The following MMGT1 variants were observed in gnomAD, a reference collection of about 807,000 sequenced individuals.
MMGT1 encodes the protein membrane magnesium transporter 1.
A neutral mutation model predicts 11.7 loss-of-function variants in MMGT1; 2 were observed. That is an observed-to-expected ratio of 0.17 (90% CI 0.07 to 0.54). The LOEUF (loss-of-function observed/expected upper bound fraction) is 0.54, where lower values mean the gene tolerates loss of function less well. Ranked by LOEUF, MMGT1 falls within the 20% of genes least tolerant of loss-of-function variation. MMGT1 has a pLI of 0.94. For missense variants in MMGT1, 74 were observed against 109.0 expected, an observed-to-expected ratio of 0.68 and a Z score of 1.43; for synonymous variants, 49 against 44.4, an observed-to-expected ratio of 1.10 and a Z score of -0.41.
At chrX:135,971,133 TA>T in intron 1 of MMGT1, 23 bp from the exon 2 acceptor site, 1 of 1,082,340 alleles carries the variant, frequency 9.2e-7, no homozygotes, top group Non-Finnish European at 1.3e-6. Context: ...AGCATACCAT[TA>T]AGGAAACTGT....
In MMGT1 at chrX:135,965,069, A is replaced by AG. The variant is rs1309724594; in HGVS notation, c.350dup (p.Asn118Ter). The AG allele has an allele frequency of 4.1e-6, 5 of 1,208,170 alleles. No individual in the cohort carries two copies. The highest frequency in any genetic ancestry group is 5.6e-6 in the Non-Finnish European group (5 of 893,668). On this transcript the variant is annotated frameshift_variant, in exon 4 of 4. Coordinates refer to ENST00000305963, the MANE Select transcript of MMGT1 (RefSeq NM_173470.3). LOFTEE classifies it high-confidence loss of function. ...GTTTTCGTAACTTCAATGATGTGTT[A>AG]GAGGACAATGCATCTTGGTTTGAAG...
chrX:135,969,018 A>G (rs1479796991), intron 2 of MMGT1, among the ~76,000 whole-genome samples: 1 of 111,853 alleles, frequency 8.9e-6, no homozygotes, highest in African/African-American at 3.2e-5. Context: ...TGATTGAGTA[A>G]TATCAACTGC....
At chrX:135,972,182 G>A (rs188807224) in intron 1 of MMGT1, among the ~76,000 whole-genome samples, 2 of 112,062 alleles carry the variant, frequency 1.8e-5, no homozygotes, top group East Asian at 5.6e-4. Flanking sequence ...CCTAACATGA[G>A]CATTATATAT....
Position 135,963,425 on chromosome X carries a change from C to T in MMGT1, c.*1599G>A, listed in dbSNP as rs2089167180. Reference sequence around the variant, plus strand: ...CAGTAGCCAAGTCTGATGGAAGGAGCTTGTTTCTTGCATGCTATTTTATCA... The same window carrying T: ...CAGTAGCCAAGTCTGATGGAAGGAGTTTGTTTCTTGCATGCTATTTTATCA... On this transcript the variant is annotated 3_prime_UTR_variant, in exon 4 of 4. Coordinates refer to ENST00000305963, the MANE Select transcript of MMGT1 (RefSeq NM_173470.3). 8.9e-6 allele frequency: 1 copy of T among 111,921 alleles called. No individual in the cohort carries two copies. Among genetic ancestry groups the T allele is most frequent in the African/African-American group, 3.2e-5 (1 of 30,807 alleles). 9.2% of individuals were successfully genotyped at this position (111,921 alleles called of 1,213,427 possible).
At chrX:135,967,906 G>C (rs956314083) in intron 2 of MMGT1, among the ~76,000 whole-genome samples, 1 of 110,811 alleles carries the variant, frequency 9.0e-6, no homozygotes, top group African/African-American at 3.3e-5. Context: ...TATCCAGGCT[G>C]GAGTGCAATG....
In MMGT1 at chrX:135,961,798, A is replaced by T. The variant is rs980828807; in HGVS notation, c.*3226T>A. 1.8e-5 allele frequency among the ~76,000 whole-genome samples: 2 copies of T among 111,684 alleles called. No individual in the cohort carries two copies. The highest frequency in any genetic ancestry group is 3.8e-5 in the Non-Finnish European group (2 of 53,153). On this transcript the variant is annotated 3_prime_UTR_variant, in exon 4 of 4. Transcript: ENST00000305963. ...CAAATTTGTGATGGAATCATTAGAC[A>T]CTGCTGCTCAAGAACCCATTTTTAC... is the stretch of plus-strand genomic sequence containing the variant.
At position 135,965,035 on chromosome X, in the gene MMGT1, G is replaced by A; in HGVS notation, c.385C>T (p.Leu129=). The A allele has an allele frequency of 3.3e-6, 4 of 1,207,857 alleles. No individual in the cohort carries two copies. The highest frequency in any genetic ancestry group is 3.4e-6 in the Non-Finnish European group (3 of 892,764). Residue 129 remains leucine (L), a synonymous_variant, in exon 4 of 4, where the codon CTG becomes TTG. Transcript: ENST00000305963. ...AATTTGTAAAAATCTTAACGACGCA[G>A]TGATTCGAGTTTTCGTAACTTCAAT... ...TSLKLRKLES[L]RR
At chrX:135,973,195 T>C (rs1363052016) in intron 1 of MMGT1, among the ~76,000 whole-genome samples, 1 of 111,914 alleles carries the variant, frequency 8.9e-6, no homozygotes, top group Non-Finnish European at 1.9e-5. Context: ...GTCACTTAAC[T>C]ACTCAGTCTC....
chrX:135,961,244 G>A lies in MMGT1; in HGVS notation c.*3780C>T, dbSNP rs1556611346. 9.0e-6 allele frequency among the ~76,000 whole-genome samples: 1 copy of A among 111,141 alleles called. No individual in the cohort carries two copies. On this transcript the variant is annotated 3_prime_UTR_variant, in exon 4 of 4. Transcript: ENST00000305963. ...TCAAACATTAGAATACCACACAGCC[G>A]CTAAAAATAATGAGGTATTTTTATA... is the stretch of plus-strand genomic sequence containing the variant.
In MMGT1 at chrX:135,962,265, T is replaced by A. The variant is rs1033738482; in HGVS notation, c.*2759A>T. The A allele has an allele frequency of 9.0e-6, 1 of 111,717 alleles. No individual in the cohort carries two copies. The highest frequency in any genetic ancestry group is 2.8e-4 in the East Asian group (1 of 3,579). The allele number at this position is 111,717 out of a possible 1,213,427, so 9.2% of individuals were successfully genotyped here. A position where few individuals can be genotyped will look rare whatever the true frequency, so the allele number is the denominator to read the frequency against. ...TCAAGCCACTGAGAAGCCACAATGCTTAGAAAACAATCATTAGGGAGTTAC... is the reference window on the plus strand; with the variant it reads ...TCAAGCCACTGAGAAGCCACAATGCATAGAAAACAATCATTAGGGAGTTAC... On this transcript the variant is annotated 3_prime_UTR_variant, in exon 4 of 4. Transcript: ENST00000305963.
At chrX:135,968,002 GCCA>G (rs2089196030) in intron 2 of MMGT1, among the ~76,000 whole-genome samples, 2 of 111,010 alleles carry the variant, frequency 1.8e-5, no homozygotes. Context: ...ACAGGCATGC[GCCA>G]CCACGCCAGG....
chrX:135,965,887 A>G (rs2089182464), intron 3 of MMGT1, among the ~76,000 whole-genome samples: 1 of 112,464 alleles, frequency 8.9e-6, no homozygotes. Flanking sequence ...TATTCAAGCC[A>G]TATGATCGTT....
At chrX:135,971,910 T>C (rs1556612630) in intron 1 of MMGT1, among the ~76,000 whole-genome samples, 2 of 112,451 alleles carry the variant, frequency 1.8e-5, no homozygotes, top group Non-Finnish European at 3.8e-5. Context: ...ATAATACATA[T>C]CTCAAGTTCA....
rs2089155134 is a variant in MMGT1, at chrX:135,961,534, T to G, written c.*3490A>C. Among the ~76,000 whole-genome samples the G allele has an allele frequency of 9.0e-6, 1 of 111,407 alleles. No individual in the cohort carries two copies. Among genetic ancestry groups the G allele is most frequent in the Non-Finnish European group, 1.9e-5 (1 of 53,069 alleles). ...CGCCATGTGCATACATCATCTTTCT[T>G]GCCCCCACTCCCCTTTCTAAGAACA... On this transcript the variant is annotated 3_prime_UTR_variant, in exon 4 of 4. Coordinates refer to ENST00000305963, the MANE Select transcript of MMGT1 (RefSeq NM_173470.3).
Position 135,962,361 on chromosome X carries a change from T to C in MMGT1, c.*2663A>G, listed in dbSNP as rs879980235. The C allele has an allele frequency of 1.8e-5, 2 of 111,687 alleles. No homozygotes were observed. Among genetic ancestry groups the C allele is most frequent in the South Asian group, 7.6e-4 (2 of 2,640 alleles). The allele number at this position is 111,687 out of a possible 1,213,427, so 9.2% of individuals were successfully genotyped here. On this transcript the variant is annotated 3_prime_UTR_variant, in exon 4 of 4. Coordinates refer to ENST00000305963, the MANE Select transcript of MMGT1 (RefSeq NM_173470.3). Reference sequence around the variant, plus strand: ...GCACAGTATTTGGCTGGTTCCCTGGTTATTAAGTGAGTCGTTCCGTATTTT... The same window carrying C: ...GCACAGTATTTGGCTGGTTCCCTGGCTATTAAGTGAGTCGTTCCGTATTTT...
chrX:135,970,418 T>C (rs2089211300), intron 2 of MMGT1, among the ~76,000 whole-genome samples: 1 of 111,847 alleles, frequency 8.9e-6, no homozygotes, highest in Non-Finnish European at 1.9e-5. Flanking sequence ...CCTATGTATG[T>C]CCCTAAACAA....
At position 135,961,189 on chromosome X, in the gene MMGT1, C is replaced by G. The variant is rs953018126; in HGVS notation, c.*3835G>C. ...TTAATATTGGAAACAACCTAAAGAG[C>G]CTATCAGTGTTTGAACATTTGTAAC... is the stretch of plus-strand genomic sequence containing the variant. On this transcript the variant is annotated 3_prime_UTR_variant, in exon 4 of 4. Transcript: ENST00000305963. Among the ~76,000 whole-genome samples, 3 of 111,520 alleles carry G rather than the reference C, an allele frequency of 2.7e-5. No individual in the cohort carries two copies. Among genetic ancestry groups the G allele is most frequent in the Non-Finnish European group, 5.7e-5 (3 of 53,005 alleles).
Position 135,964,903 on chromosome X carries a change from TACTAAAG to T in MMGT1, c.*114_*120del. On this transcript the variant is annotated 3_prime_UTR_variant, in exon 4 of 4. Coordinates refer to ENST00000305963, the MANE Select transcript of MMGT1 (RefSeq NM_173470.3). Reference sequence around the variant, plus strand: ...TATAAACAAGGGCCATGGTTTTTTTTACTAAAGTAGGTCTGAAAGATCAATATAAATA... The same window carrying T: ...TATAAACAAGGGCCATGGTTTTTTTTTAGGTCTGAAAGATCAATATAAATA... The T allele has an allele frequency of 1.7e-6, 1 of 581,206 alleles. No homozygotes were observed. Among genetic ancestry groups the T allele is most frequent in the Non-Finnish European group, 2.7e-6 (1 of 372,436 alleles). 47.9% of individuals were successfully genotyped at this position (581,206 alleles called of 1,213,427 possible). A position where few individuals can be genotyped will look rare whatever the true frequency, so the allele number is the denominator to read the frequency against.
chrX:135,963,887 A>G lies in MMGT1; in HGVS notation c.*1137T>C, dbSNP rs1230895678. ...CTACAGCTCTCTAGCTCAAAGAGCT[A>G]GCCAATTTCCTTAAAAGTAAAATTA... is the stretch of plus-strand genomic sequence containing the variant. On this transcript the variant is annotated 3_prime_UTR_variant, in exon 4 of 4. Coordinates refer to ENST00000305963, the MANE Select transcript of MMGT1 (RefSeq NM_173470.3). 2 of 112,890 alleles carry G rather than the reference A, an allele frequency of 1.8e-5. No homozygotes were observed. The highest frequency in any genetic ancestry group is 3.7e-5 in the Non-Finnish European group (2 of 53,358). 9.3% of individuals were successfully genotyped at this position (112,890 alleles called of 1,213,427 possible).
Sources: allele counts gnomAD v4.1 joint callset (sites outside exome capture counted in the v4.1 genomes callset), GRCh38; gene constraint gnomAD v4.1.1; transcripts MANE v1.5; gene names NCBI Gene and HGNC (gene_info 2026-07-23, HGNC 2026-07-21).